Variants in NAV2 observed in about 807,000 individuals in gnomAD.
NAV2 encodes neuron navigator 2, also known as helicase, APC down-regulated 1.
A neutral mutation model predicts 223.2 loss-of-function variants in NAV2; 54 were observed. That is an observed-to-expected ratio of 0.24 (90% CI 0.19 to 0.30). The LOEUF (loss-of-function observed/expected upper bound fraction) is 0.30, where lower values mean the gene tolerates loss of function less well. Ranked by LOEUF, NAV2 falls within the 10% of genes least tolerant of loss-of-function variation. The pLI, the probability that NAV2 is intolerant of heterozygous loss-of-function variation, is 1.00. For missense variants in NAV2, 2,806 were observed against 3,147.5 expected (o/e 0.89, Z 2.60); for synonymous variants, 1,279 against 1,239.3 (o/e 1.03, Z -0.67).
intron 1 of NAV2, among the ~76,000 whole-genome samples, chr11:19,550,871 C>T (rs1267127255): frequency 6.6e-6 from 1 of 152,208 alleles, no homozygotes; most frequent in Non-Finnish European, 1.5e-5. Context: ...GAGTTACTGC[C>T]CCTTTCCATG....
chr11:20,051,414 G>A (rs2047288334), intron 17 of NAV2, 81 bp downstream of exon 17: 1 of 1,386,080 alleles, frequency 7.2e-7, no homozygotes, highest in Non-Finnish European at 1.0e-6. Context: ...TGGCTGGTGG[G>A]GGTTTGGGCT....
chr11:19,713,880 T>G lies in NAV2; in HGVS notation c.185T>G (p.Val62Gly), dbSNP rs771552408. ...AGCCAGATCCCCCTGAAATCGCAGG[T>G]GCTGCAGGGGCTGCAGGAGCCAGCG... ...YPSQIPLKSQ[V>G]LQGLQEPAGE... Residue 62 changes from valine (V) to glycine (G), a missense_variant, in exon 1 of 38, where the codon GTG becomes GGG. This residue lies in a region of NAV2 where 1,167 missense variants were observed against 1,180.5 expected (regional missense o/e 0.99). Coordinates refer to ENST00000349880, the MANE Select transcript of NAV2 (RefSeq NM_145117.5). This position sits in a 1 kb window ranked among gnomAD's most constrained non-coding sequence, Gnocchi z 7.2. 31 of 1,613,442 alleles carry G rather than the reference T, an allele frequency of 1.9e-5. No individual in the cohort carries two copies. Among genetic ancestry groups the G allele is most frequent in the Non-Finnish European group, 2.4e-5 (28 of 1,179,946 alleles).
intron 22 of NAV2, among the ~76,000 whole-genome samples, chr11:20,076,456 G>T (rs1319654350): frequency 6.6e-6 from 1 of 152,188 alleles, no homozygotes; most frequent in Admixed American, 6.5e-5. Context: ...CTCACTCTTG[G>T]ACATGCCACT....
intron 1 of NAV2, among the ~76,000 whole-genome samples, chr11:19,371,321 T>C (rs16936638): frequency 0.016 from 2,486 of 152,238 alleles, 70 homozygotes; most frequent in African/African-American, 0.056. Context: ...TCCTTACCAT[T>C]GGAGGCCAGA....
rs148350320 is a variant in NAV2, at chr11:19,469,035, A to T, written c.75+118008A>T. Among the ~76,000 whole-genome samples the T allele has an allele frequency of 1.4e-4, 21 of 152,360 alleles. No homozygotes were observed. The East Asian group carries it at 4.0e-3, about 29-fold the overall frequency. Reference sequence around the variant, plus strand: ...ATTAATCTCATGATTAAATGAGATAATTCGTGGAATGCACCTAGCATAGTA... The same window carrying T: ...ATTAATCTCATGATTAAATGAGATATTTCGTGGAATGCACCTAGCATAGTA... On this transcript the variant is annotated intron_variant, in intron 1 of 37. Transcript: ENST00000360655.
intron 1 of NAV2, among the ~76,000 whole-genome samples, chr11:19,687,794 TGTG>T (rs2049065417): frequency 6.6e-6 from 1 of 152,088 alleles, no homozygotes; most frequent in African/African-American, 2.4e-5. Flanking sequence ...CGTGTGTGTG[TGTG>T]TGTGTGAACT....
At chr11:20,107,057 ATTTTTTTTTTTTTTT>A (rs10590815) in intron 35 of NAV2, among the ~76,000 whole-genome samples, 2 of 27,228 alleles carry the variant, frequency 7.3e-5, no homozygotes, top group African/African-American at 2.7e-4. Context: ...ATGGGCTTCC[ATTTTTTTTTTTTTTT>A]TTTTTTTTTT....
At chr11:19,679,096 T>C (rs2048803173) in intron 1 of NAV2, among the ~76,000 whole-genome samples, 1 of 152,208 alleles carries the variant, frequency 6.6e-6, no homozygotes, top group African/African-American at 2.4e-5. Context: ...TAGAGCTATA[T>C]GGAGAAAAGG....
intron 1 of NAV2, among the ~76,000 whole-genome samples, chr11:19,405,922 A>C (rs1291050265): frequency 6.6e-6 from 1 of 152,196 alleles, no homozygotes; most frequent in African/African-American, 2.4e-5. Context: ...CATCGCCCAT[A>C]ATTATCTTGG....
At chr11:19,409,243 A>T (rs1850038126) in intron 1 of NAV2, among the ~76,000 whole-genome samples, 1 of 152,260 alleles carries the variant, frequency 6.6e-6, no homozygotes, top group Non-Finnish European at 1.5e-5. Context: ...GGTTTAAAAA[A>T]GAGAAAGTAA....
intron 4 of NAV2, among the ~76,000 whole-genome samples, chr11:19,875,175 T>C (rs1462267171): frequency 1.3e-5 from 2 of 152,112 alleles, no homozygotes; most frequent in African/African-American, 4.8e-5. Flanking sequence ...CAAAACTAGA[T>C]GCAAAAATCT....
At chr11:19,859,159 T>TTTTTTTC (rs2061546894) in intron 3 of NAV2, among the ~76,000 whole-genome samples, 1 of 121,884 alleles carries the variant, frequency 8.2e-6, no homozygotes. Context: ...TTTTTTTTTT[T>TTTTTTTC]ATTGATCATT....
At chr11:19,901,147 AT>A (rs2042415299) in intron 6 of NAV2, among the ~76,000 whole-genome samples, 1 of 152,198 alleles carries the variant, frequency 6.6e-6, no homozygotes, top group Non-Finnish European at 1.5e-5. Flanking sequence ...TCTAATTCAT[AT>A]TTTTGAATAA....
chr11:19,879,567 A>G (rs753616008), intron 4 of NAV2, among the ~76,000 whole-genome samples: 3 of 152,184 alleles, frequency 2.0e-5, no homozygotes, highest in Non-Finnish European at 4.4e-5. Context: ...CCCTGCCTGT[A>G]GAACAAGCAC....
chr11:20,034,316 C>T (rs935032626), intron 11 of NAV2, among the ~76,000 whole-genome samples: 2 of 151,044 alleles, frequency 1.3e-5, no homozygotes, highest in East Asian at 1.9e-4. Flanking sequence ...TTATTGTCTA[C>T]GTGACTTCTC....
intron 1 of NAV2, among the ~76,000 whole-genome samples, chr11:19,353,834 A>C (rs948086273): frequency 3.9e-5 from 6 of 152,246 alleles, no homozygotes; most frequent in Admixed American, 6.5e-5. Flanking sequence ...TCTATCCAGC[A>C]GTGACTGCTA....
intron 1 of NAV2, among the ~76,000 whole-genome samples, chr11:19,723,907 G>A (rs1391407460): frequency 6.6e-6 from 1 of 152,196 alleles, no homozygotes; most frequent in Non-Finnish European, 1.5e-5. Context: ...AAATGTGTGG[G>A]CCACAAGTGT....
At chr11:19,439,287 C>T (rs1851318113) in intron 1 of NAV2, among the ~76,000 whole-genome samples, 1 of 152,038 alleles carries the variant, frequency 6.6e-6, no homozygotes, top group South Asian at 2.1e-4. Flanking sequence ...CAGTGATACA[C>T]ACTGGGGTCT....
At chr11:19,794,493 T>C (rs2057763210) in intron 1 of NAV2, among the ~76,000 whole-genome samples, 1 of 152,244 alleles carries the variant, frequency 6.6e-6, no homozygotes, top group Non-Finnish European at 1.5e-5. Flanking sequence ...GTCAATATGG[T>C]ATTTACAATG....
Sources: allele counts gnomAD v4.1 joint callset (sites outside exome capture counted in the v4.1 genomes callset), GRCh38; gene constraint gnomAD v4.1.1; regional missense constraint gnomAD v4.1.1; non-coding constraint Gnocchi (gnomAD v3.1); transcripts MANE v1.5; gene names NCBI Gene and HGNC (gene_info 2026-07-23, HGNC 2026-07-21).